POU6F2: variants seen among roughly 807,000 people sequenced by gnomAD.
The protein encoded by POU6F2 is POU domain, class 6, transcription factor 2.
A neutral mutation model predicts 71.3 loss-of-function variants in POU6F2; 31 were observed. The ratio of observed to expected loss-of-function variants is 0.43; its 90% confidence interval spans 0.33 to 0.59. The LOEUF is 0.59. Among genes scored for constraint, POU6F2 ranks in the 20% least tolerant of loss-of-function variants. The probability of loss-of-function intolerance (pLI) is 0.04; values close to 1 mark genes in which losing one functional copy is unlikely to be tolerated. For missense variants in POU6F2, 783 were observed against 856.8 expected, an observed-to-expected ratio of 0.91 and a Z score of 1.07; for synonymous variants, 347 against 355.7, an observed-to-expected ratio of 0.98 and a Z score of 0.27.
intron 9 of POU6F2, among the ~76,000 whole-genome samples, chr7:39,461,682 T>C (rs939853499): frequency 1.3e-5 from 2 of 152,186 alleles, no homozygotes; most frequent in African/African-American, 2.4e-5. Context: ...CAGTATGGGG[T>C]AGTAGCTTGC....
At chr7:38,989,845 G>C (rs946596047) in intron 1 of POU6F2, among the ~76,000 whole-genome samples, 2 of 150,354 alleles carry the variant, frequency 1.3e-5, no homozygotes, top group African/African-American at 4.9e-5. Flanking sequence ...GTGTGTGTGT[G>C]TGGAAAATTC....
At chr7:39,325,782 T>TTTTCTCCTGTAGGA (rs1785492595) in intron 4 of POU6F2, among the ~76,000 whole-genome samples, 1 of 152,238 alleles carries the variant, frequency 6.6e-6, no homozygotes, top group African/African-American at 2.4e-5. Context: ...TTGTCTGTAA[T>TTTTCTCCTGTAGGA]ATTTTCTCCT....
At chr7:39,291,015 G>GAAAAA (rs35704977) in intron 4 of POU6F2, among the ~76,000 whole-genome samples, 3 of 122,382 alleles carry the variant, frequency 2.5e-5, no homozygotes, top group Admixed American at 8.1e-5. Flanking sequence ...AAAGAGGACA[G>GAAAAA]AAAAAAAAAA....
intron 2 of POU6F2, among the ~76,000 whole-genome samples, chr7:39,192,132 T>C (rs1435427128): frequency 2.0e-5 from 3 of 152,208 alleles, no homozygotes; most frequent in Non-Finnish European, 2.9e-5. Flanking sequence ...AGAAGCTCTA[T>C]TACCATAAGG....
intron 1 of POU6F2, among the ~76,000 whole-genome samples, chr7:39,026,287 A>C (rs932488157): frequency 2.0e-5 from 3 of 152,080 alleles, no homozygotes; most frequent in South Asian, 2.1e-4. Context: ...GCTGCTATAA[A>C]GACACATGCA....
chr7:39,311,167 G>C (rs1037973198), intron 4 of POU6F2, among the ~76,000 whole-genome samples: 1 of 151,584 alleles, frequency 6.6e-6, no homozygotes, highest in African/African-American at 2.4e-5. Flanking sequence ...GAAACTCTGA[G>C]AGGCAAAGGA....
chr7:39,019,724 C>G (rs781472917), intron 1 of POU6F2, among the ~76,000 whole-genome samples: 1 of 150,394 alleles, frequency 6.6e-6, no homozygotes, highest in Non-Finnish European at 1.5e-5. Context: ...TTTCAAATGT[C>G]AACAATTACA....
At chr7:39,210,504 C>T (rs574853888) in intron 4 of POU6F2, among the ~76,000 whole-genome samples, 60 of 152,266 alleles carry the variant, frequency 3.9e-4, no homozygotes, top group Admixed American at 9.8e-4. Context: ...TGATTGAGAG[C>T]GTGTTCATTT....
At chr7:39,229,810 A>G (rs1198178306) in intron 4 of POU6F2, among the ~76,000 whole-genome samples, 3 of 152,228 alleles carry the variant, frequency 2.0e-5, no homozygotes, top group African/African-American at 7.2e-5. Context: ...GTAATCCTGG[A>G]CATTGGGATT....
chr7:39,036,667 T>TA (rs11450878), intron 1 of POU6F2, among the ~76,000 whole-genome samples: 30,901 of 148,904 alleles, frequency 0.21, 3,415 homozygotes, highest in South Asian at 0.36. Context: ...GACATAGATT[T>TA]AAAAAAAAAA....
chr7:39,312,770 A>G (rs181170649), intron 4 of POU6F2, among the ~76,000 whole-genome samples: 67 of 152,338 alleles, frequency 4.4e-4, no homozygotes, highest in Non-Finnish European at 9.0e-4. Context: ...TCAGTCTGAC[A>G]ACTAAGATTG....
At chr7:39,301,964 T>C (rs955692326) in intron 4 of POU6F2, among the ~76,000 whole-genome samples, 1 of 152,120 alleles carries the variant, frequency 6.6e-6, no homozygotes, top group Non-Finnish European at 1.5e-5. Context: ...AAAAAAAGAA[T>C]TCTTCCTCTT....
intron 2 of POU6F2, among the ~76,000 whole-genome samples, chr7:39,194,826 AC>A (rs369113373): frequency 7.9e-5 from 12 of 151,720 alleles, no homozygotes; most frequent in Non-Finnish European, 1.6e-4. Context: ...GAGACCACGA[AC>A]CCCCCCGGGG....
chr7:39,094,493 G>A (rs1584539292), intron 2 of POU6F2, among the ~76,000 whole-genome samples: 1 of 151,844 alleles, frequency 6.6e-6, no homozygotes, highest in Non-Finnish European at 1.5e-5. Context: ...AGGATTATAT[G>A]CGCCTATATA....
At chr7:39,228,617 A>G (rs887862488) in intron 4 of POU6F2, among the ~76,000 whole-genome samples, 1 of 152,248 alleles carries the variant, frequency 6.6e-6, no homozygotes, top group Non-Finnish European at 1.5e-5. Context: ...GGGACAGCCC[A>G]TGTAATCACA....
At chr7:39,452,242 G>A (rs1252190513) in intron 8 of POU6F2, among the ~76,000 whole-genome samples, 2 of 152,126 alleles carry the variant, frequency 1.3e-5, no homozygotes, top group Non-Finnish European at 2.9e-5. Context: ...AGAAATCTCT[G>A]AACAACCATT....
chr7:39,015,674 T>C (rs1789472504), intron 1 of POU6F2, among the ~76,000 whole-genome samples: 1 of 112,830 alleles, frequency 8.9e-6, no homozygotes, highest in Non-Finnish European at 1.6e-5. Context: ...AGATATATTA[T>C]ATCTATGTTA....
At chr7:39,023,842 C>T (rs1309374690) in intron 1 of POU6F2, among the ~76,000 whole-genome samples, 1 of 152,004 alleles carries the variant, frequency 6.6e-6, no homozygotes, top group African/African-American at 2.4e-5. Context: ...AATGGAGAAA[C>T]TGAAGCCAGA....
At chr7:39,318,772 TCC>T (rs1785324095) in intron 4 of POU6F2, among the ~76,000 whole-genome samples, 1 of 152,156 alleles carries the variant, frequency 6.6e-6, no homozygotes, top group African/African-American at 2.4e-5. Context: ...TCCTGTAACA[TCC>T]CAGGCTACTG....
Sources: allele counts gnomAD v4.1 joint callset (sites outside exome capture counted in the v4.1 genomes callset), GRCh38; gene constraint gnomAD v4.1.1; transcripts MANE v1.5; gene names NCBI Gene and HGNC (gene_info 2026-07-23, HGNC 2026-07-21).